CMSS1: variants seen among roughly 807,000 people sequenced by gnomAD.
CMSS1 encodes the protein cms1 ribosomal small subunit homolog, also known as protein CMSS1.
CMSS1 carries 33 observed loss-of-function variants against 43.5 expected under a neutral mutation model. That is an observed-to-expected ratio of 0.76 (90% CI 0.57 to 1.01). CMSS1 has a LOEUF of 1.01. CMSS1 is among the 50% of genes least tolerant of loss of function. The probability of loss-of-function intolerance (pLI) is 0.00; values close to 1 mark genes in which losing one functional copy is unlikely to be tolerated. For missense variants in CMSS1, 313 were observed against 326.4 expected (o/e 0.96, Z 0.32); for synonymous variants, 115 against 117.2 (o/e 0.98, Z 0.12).
At chr3:100,034,577 C>A (rs767612545) in intron 1 of CMSS1, among the ~76,000 whole-genome samples, 1 of 152,156 alleles carries the variant, frequency 6.6e-6, no homozygotes, top group Non-Finnish European at 1.5e-5. Context: ...GAATTGGCTG[C>A]TTTTGGTCAT....
chr3:99,869,231 T>G lies in CMSS1; in HGVS notation c.64+51188T>G, dbSNP rs573223967. 6.6e-5 allele frequency among the ~76,000 whole-genome samples: 10 copies of G among 152,292 alleles called. No individual in the cohort carries two copies. In the East Asian group the frequency reaches 1.7e-3, roughly 26 times the overall value. ...TAATTAAAGTCCAGATGGGGAAAAT[T>G]GGCCAGAGAATCTTAACTTTGCCTG... On this transcript the variant is annotated intron_variant, in intron 1 of 9. Coordinates refer to ENST00000421999, the MANE Select transcript of CMSS1 (RefSeq NM_032359.4).
Position 100,176,380 on chromosome 3 carries a change from G to C in CMSS1, c.721G>C (p.Asp241His). ...TCTGGTTTTTGACTGGAACTGGAGA[G>C]ATCAGAAGTTGAGGAGAATGATGGA... ...KFLVFDWNWR[D>H]QKLRRMMDIP... Residue 241 changes from aspartate (D) to histidine (H), a missense_variant, in exon 9 of 10, where the codon GAT becomes CAT. Transcript: ENST00000421999. 6.2e-7 allele frequency: 1 copy of C among 1,613,620 alleles called. No homozygotes were observed. Among genetic ancestry groups the C allele is most frequent in the Non-Finnish European group, 8.5e-7 (1 of 1,179,624 alleles).
intron 1 of CMSS1, among the ~76,000 whole-genome samples, chr3:99,901,699 C>T (rs1241991160): frequency 6.6e-6 from 1 of 152,110 alleles, no homozygotes; most frequent in Non-Finnish European, 1.5e-5. Context: ...TACTCTCAGC[C>T]AAGTGATTTT....
chr3:99,828,609 C>A (rs546303956), intron 1 of CMSS1, among the ~76,000 whole-genome samples: 1 of 150,756 alleles, frequency 6.6e-6, no homozygotes, highest in Non-Finnish European at 1.5e-5. Flanking sequence ...CACCACCACA[C>A]CTGGCTTTTT....
intron 1 of CMSS1, among the ~76,000 whole-genome samples, chr3:99,970,580 T>C (rs1164330202): frequency 6.6e-6 from 1 of 152,242 alleles, no homozygotes; most frequent in East Asian, 1.9e-4. Flanking sequence ...GCTTTCCTTG[T>C]AGTTTACTAG....
At chr3:99,886,115 G>A (rs539791740) in intron 1 of CMSS1, among the ~76,000 whole-genome samples, 1 of 152,380 alleles carries the variant, frequency 6.6e-6, no homozygotes, top group East Asian at 1.9e-4. Context: ...GTGCACACGT[G>A]CACATGGACG....
intron 1 of CMSS1, among the ~76,000 whole-genome samples, chr3:100,135,995 TAGG>T (rs2066750017): frequency 6.6e-6 from 1 of 151,964 alleles, no homozygotes; most frequent in Non-Finnish European, 1.5e-5. Flanking sequence ...ACTAGGAAAA[TAGG>T]AGCATTATTG....
At chr3:99,918,921 G>C (rs1167263622) in intron 1 of CMSS1, among the ~76,000 whole-genome samples, 1 of 152,180 alleles carries the variant, frequency 6.6e-6, no homozygotes, top group South Asian at 2.1e-4. Context: ...ATAGTCTTGA[G>C]AATATGTAAT....
intron 1 of CMSS1, among the ~76,000 whole-genome samples, chr3:99,935,606 C>T (rs1444685978): frequency 6.6e-6 from 1 of 152,198 alleles, no homozygotes; most frequent in Non-Finnish European, 1.5e-5. Context: ...TTCCTTTGAC[C>T]TCTACCCTGT....
intron 1 of CMSS1, among the ~76,000 whole-genome samples, chr3:99,926,740 T>A (rs992896869): frequency 6.6e-6 from 1 of 152,234 alleles, no homozygotes; most frequent in East Asian, 1.9e-4. Flanking sequence ...AAGATATGTA[T>A]ATTAAATTTT....
intron 1 of CMSS1, among the ~76,000 whole-genome samples, chr3:100,090,243 T>C (rs985739098): frequency 9.9e-5 from 15 of 152,216 alleles, no homozygotes; most frequent in African/African-American, 3.6e-4. Flanking sequence ...TTTGCTATTG[T>C]TTTCTTCAAG....
intron 1 of CMSS1, among the ~76,000 whole-genome samples, chr3:99,976,814 A>G (rs1215558310): frequency 1.3e-5 from 2 of 151,970 alleles, no homozygotes; most frequent in Non-Finnish European, 2.9e-5. Flanking sequence ...AAGATGTTTG[A>G]CCATTATCTC....
At chr3:99,923,989 C>T (rs902881310) in intron 1 of CMSS1, among the ~76,000 whole-genome samples, 11 of 152,224 alleles carry the variant, frequency 7.2e-5, no homozygotes, top group Admixed American at 6.5e-4. Context: ...GCAGCCTTCA[C>T]AGGGCACTCC....
intron 1 of CMSS1, among the ~76,000 whole-genome samples, chr3:100,109,087 TAAA>T (rs5851196): frequency 6.9e-6 from 1 of 144,792 alleles, no homozygotes; most frequent in Admixed American, 6.9e-5. Context: ...AACTGTCTCT[TAAA>T]AAAAAAAAAA....
chr3:99,961,292 GT>G (rs1372281481), intron 1 of CMSS1, among the ~76,000 whole-genome samples: 2 of 151,970 alleles, frequency 1.3e-5, no homozygotes, highest in Non-Finnish European at 2.9e-5. Context: ...GGATTATTTT[GT>G]TTTGTTTTGT....
chr3:100,112,955 A>C (rs6807137), intron 1 of CMSS1, among the ~76,000 whole-genome samples: 1,898 of 152,336 alleles, frequency 0.012, 25 homozygotes, highest in African/African-American at 0.029. Flanking sequence ...AGGAAAAACA[A>C]GTTTAACTGT....
At chr3:100,031,455 C>G (rs2065020612) in intron 1 of CMSS1, among the ~76,000 whole-genome samples, 1 of 151,926 alleles carries the variant, frequency 6.6e-6, no homozygotes, top group Non-Finnish European at 1.5e-5. Context: ...TCATGGTGAT[C>G]TAGTAAGTGA....
At chr3:99,966,794 C>T (rs918164701) in intron 1 of CMSS1, among the ~76,000 whole-genome samples, 1 of 152,122 alleles carries the variant, frequency 6.6e-6, no homozygotes, top group African/African-American at 2.4e-5. Flanking sequence ...GTATACAAGA[C>T]GTAACTGAAG....
intron 1 of CMSS1, among the ~76,000 whole-genome samples, chr3:99,819,418 T>C (rs1321099556): frequency 6.6e-6 from 1 of 152,258 alleles, no homozygotes; most frequent in Admixed American, 6.5e-5. Context: ...TTTCAAGTTA[T>C]TCATCCGTTG....
Sources: allele counts gnomAD v4.1 joint callset (sites outside exome capture counted in the v4.1 genomes callset), GRCh38; gene constraint gnomAD v4.1.1; transcripts MANE v1.5; gene names NCBI Gene and HGNC (gene_info 2026-07-23, HGNC 2026-07-21).